The following RALGAPA2 variants were observed in gnomAD, a reference collection of about 807,000 sequenced individuals.
RALGAPA2 encodes ral GTPase-activating protein subunit alpha-2.
In RALGAPA2, 139 loss-of-function variants were observed where a neutral mutation model predicts 230.4. The ratio of observed to expected loss-of-function variants is 0.60; its 90% CI spans 0.53 to 0.69. The LOEUF (loss-of-function observed/expected upper bound fraction) is 0.69. Among genes scored for constraint, RALGAPA2 ranks in the 30% least tolerant of loss-of-function variants. RALGAPA2 has a pLI of 0.00. For synonymous variants in RALGAPA2, 847 were observed against 837.8 expected (o/e 1.01, Z -0.19); for missense variants, 2,163 against 2,276.0 (o/e 0.95, Z 1.01).
intron 23 of RALGAPA2, among the ~76,000 whole-genome samples, chr20:20,557,138 CATCTCTACTAAAAATACAAAA>C (rs940535159): frequency 3.9e-5 from 6 of 152,010 alleles, no homozygotes; most frequent in African/African-American, 9.7e-5. Flanking sequence ...GGTGAAACCC[CATCTCTACTAAAAATACAAAA>C]ATTAGCCGGG....
At chr20:20,692,528 C>G (rs1240246606) in intron 1 of RALGAPA2, among the ~76,000 whole-genome samples, 1 of 152,172 alleles carries the variant, frequency 6.6e-6, no homozygotes, top group East Asian at 1.9e-4. Flanking sequence ...GGAACCTGGC[C>G]TGTTCGCAGC....
At chr20:20,604,797 A>T (rs960026382) in intron 15 of RALGAPA2, among the ~76,000 whole-genome samples, 1 of 152,210 alleles carries the variant, frequency 6.6e-6, no homozygotes, top group Non-Finnish European at 1.5e-5. Flanking sequence ...AGGATTGGAC[A>T]TCCCTGCAAA....
intron 38 of RALGAPA2, among the ~76,000 whole-genome samples, chr20:20,400,431 C>T (rs145624422): frequency 1.6e-4 from 24 of 152,260 alleles, no homozygotes; most frequent in Non-Finnish European, 3.4e-4. Flanking sequence ...GTGCTGCTCC[C>T]GTGCAGGGGC....
chr20:20,557,762 T>C (rs1159301178), intron 23 of RALGAPA2, among the ~76,000 whole-genome samples: 1 of 152,148 alleles, frequency 6.6e-6, no homozygotes, highest in Non-Finnish European at 1.5e-5. Flanking sequence ...ACTTACTCCT[T>C]TGGAACCATA....
At chr20:20,444,544 T>TA (rs2060816953) in intron 37 of RALGAPA2, among the ~76,000 whole-genome samples, 1 of 152,060 alleles carries the variant, frequency 6.6e-6, no homozygotes, top group Admixed American at 6.6e-5. Flanking sequence ...AGCACCCCAA[T>TA]AAAAAATCAC....
At chr20:20,694,917 T>A (rs1327811456) in intron 1 of RALGAPA2, among the ~76,000 whole-genome samples, 1 of 152,230 alleles carries the variant, frequency 6.6e-6, no homozygotes, top group Non-Finnish European at 1.5e-5. Flanking sequence ...TTTTCATATA[T>A]TCATATTATC....
intron 20 of RALGAPA2, among the ~76,000 whole-genome samples, chr20:20,577,102 C>T (rs16981992): frequency 0.017 from 2,620 of 152,122 alleles, 77 homozygotes; most frequent in African/African-American, 0.06. Flanking sequence ...CAAATAAAGC[C>T]GGACTGATTT....
At chr20:20,495,934 T>C (rs1183388141) in intron 35 of RALGAPA2, among the ~76,000 whole-genome samples, 2 of 152,218 alleles carry the variant, frequency 1.3e-5, no homozygotes, top group Non-Finnish European at 2.9e-5. Flanking sequence ...CTCTCTGAGG[T>C]AGATGACATC....
In RALGAPA2 at chr20:20,619,553, T is replaced by TC. The variant is rs1306451591; in HGVS notation, c.1402-140dup. 7 of 703,444 alleles carry TC rather than the reference T, an allele frequency of 1.0e-5. No individual in the cohort carries two copies. The African/African-American group carries it at 1.1e-4, about 11-fold the overall frequency. The allele number at this position is 703,444 out of a possible 1,614,324, so 43.6% of individuals were successfully genotyped here. On this transcript the variant is annotated intron_variant, in intron 11 of 39. Transcript: ENST00000202677. ...TTTAATTCCTTAAACTCACCAGGAT[T>TC]CACATGAAAATAGGTTCTAGGAGGT...
In RALGAPA2 at chr20:20,495,044, A is replaced by C. The variant is rs1032972743; in HGVS notation, c.5367+73T>G. On this transcript the variant is annotated intron_variant, in intron 36 of 39. Coordinates refer to ENST00000202677, the MANE Select transcript of RALGAPA2 (RefSeq NM_020343.4). ...GAGTCCCCTTTAACATATTTGTATCACTGATTTTCAATGACAATGAATCAC... is the reference window on the plus strand; with the variant it reads ...GAGTCCCCTTTAACATATTTGTATCCCTGATTTTCAATGACAATGAATCAC... 4 of 1,347,610 alleles carry C rather than the reference A, an allele frequency of 3.0e-6. No individual in the cohort carries two copies. In the African/African-American group the frequency reaches 5.7e-5, roughly 19 times the overall value. 83.5% of individuals were successfully genotyped at this position (1,347,610 alleles called of 1,614,324 possible). A position where few individuals can be genotyped will look rare whatever the true frequency, so the allele number is the denominator to read the frequency against.
At chr20:20,598,655 A>G (rs1278525954) in intron 16 of RALGAPA2, 2 of 450,896 alleles carry the variant, frequency 4.4e-6, no homozygotes, top group South Asian at 3.1e-5. Flanking sequence ...ACAGTGATGG[A>G]CACATGAGAC....
At chr20:20,414,151 A>G (rs1009805869) in intron 37 of RALGAPA2, among the ~76,000 whole-genome samples, 1 of 152,204 alleles carries the variant, frequency 6.6e-6, no homozygotes, top group Non-Finnish European at 1.5e-5. Context: ...CAAATTACTC[A>G]AAGAGCTGAG....
chr20:20,425,471 C>A (rs2060362860), intron 37 of RALGAPA2, among the ~76,000 whole-genome samples: 1 of 152,098 alleles, frequency 6.6e-6, no homozygotes, highest in African/African-American at 2.4e-5. Flanking sequence ...AATAGTATTT[C>A]TATGCTTCTA....
intron 10 of RALGAPA2, among the ~76,000 whole-genome samples, chr20:20,622,967 C>T (rs979349594): frequency 1.3e-5 from 2 of 152,056 alleles, no homozygotes; most frequent in African/African-American, 4.8e-5. Flanking sequence ...GAAATTAATG[C>T]TAGCATTTAT....
At chr20:20,480,505 A>G (rs1342399543) in intron 36 of RALGAPA2, among the ~76,000 whole-genome samples, 1 of 152,158 alleles carries the variant, frequency 6.6e-6, no homozygotes, top group Non-Finnish European at 1.5e-5. Context: ...CTTTAGTTTT[A>G]GTACTTAAGG....
chr20:20,602,095 T>A (rs143188423), intron 15 of RALGAPA2, among the ~76,000 whole-genome samples: 184 of 152,368 alleles, frequency 1.2e-3, no homozygotes, highest in South Asian at 9.5e-3. Flanking sequence ...ATCTTCATAG[T>A]ACTCATTCCA....
rs746379548 is a variant in RALGAPA2, at chr20:20,639,830, T to A, written c.621A>T (p.Gln207His). The stretch of plus-strand genomic sequence containing the variant: ...ACAGTATTTGAAGAAAAAAGCAGGT[T>A]TGGTCCTCAGCAATCTTCTCCCCTG... ...AISGEKIAED[Q>H]TCFFLQILLK... Residue 207 changes from glutamine (Q) to histidine (H), a missense_variant, in exon 7 of 40, where the codon CAA becomes CAT. Coordinates refer to ENST00000202677, the MANE Select transcript of RALGAPA2 (RefSeq NM_020343.4). 6.2e-7 allele frequency: 1 copy of A among 1,613,580 alleles called. No homozygotes were observed. The highest frequency in any genetic ancestry group is 1.3e-5 in the African/African-American group (1 of 74,924).
chr20:20,631,462 G>A (rs559902671), intron 9 of RALGAPA2, among the ~76,000 whole-genome samples: 1 of 152,318 alleles, frequency 6.6e-6, no homozygotes, highest in African/African-American at 2.4e-5. Flanking sequence ...TATAATCCAA[G>A]GGTCCTTATA....
chr20:20,469,746 C>T (rs560873474), intron 37 of RALGAPA2, among the ~76,000 whole-genome samples: 4 of 152,154 alleles, frequency 2.6e-5, no homozygotes, highest in South Asian at 2.1e-4. Flanking sequence ...CAGTTGACCA[C>T]GGTTTGATTT....
Sources: gnomAD v4.1 joint callset for allele counts (sites outside exome capture counted in the v4.1 genomes callset) on GRCh38, gnomAD v4.1.1 for gene constraint, MANE v1.5 for transcripts, NCBI Gene and HGNC (gene_info 2026-07-23, HGNC 2026-07-21) for gene names.